The following SYNPR variants were observed in gnomAD, a reference collection of about 807,000 sequenced individuals.
SYNPR encodes the protein synaptoporin.
In SYNPR, 23 loss-of-function variants were observed where a neutral mutation model predicts 32.9. That is an observed-to-expected ratio of 0.70 (90% CI 0.50 to 0.99). SYNPR has a LOEUF of 0.99. SYNPR is among the 50% of genes least tolerant of loss of function. The pLI, the probability that SYNPR is intolerant of heterozygous loss-of-function variation, is 0.00. For synonymous variants in SYNPR, 146 were observed against 135.9 expected, an observed-to-expected ratio of 1.07 and a Z score of -0.52; for missense variants, 318 against 349.3, an observed-to-expected ratio of 0.91 and a Z score of 0.71.
At chr3:63,545,750 C>A (rs1224170377) in intron 3 of SYNPR, among the ~76,000 whole-genome samples, 1 of 152,014 alleles carries the variant, frequency 6.6e-6, no homozygotes, top group Non-Finnish European at 1.5e-5. Flanking sequence ...AGAACCTTAC[C>A]TTTTCCTCCT....
chr3:63,440,874 C>T (rs949010452), intron 2 of SYNPR, among the ~76,000 whole-genome samples: 4 of 152,064 alleles, frequency 2.6e-5, no homozygotes, highest in African/African-American at 9.7e-5. Flanking sequence ...AGGGCCTGAG[C>T]GTGGATTTCA....
At position 63,542,139 on chromosome 3, in the gene SYNPR, C is replaced by G. The variant is rs75074692; in HGVS notation, c.210-14404C>G. Among the ~76,000 whole-genome samples the G allele has an allele frequency of 2.3e-3, 350 of 152,226 alleles. 1 individual carries two copies. Among genetic ancestry groups the G allele is most frequent in the African/African-American group, 8.0e-3 (334 of 41,560 alleles). ...GTCACTGTGCTGGGCGCTAGAGACA[C>G]AGTAAGAAACTAGAATCTCGTTCTC... On this transcript the variant is annotated intron_variant, in intron 3 of 5. Transcript: ENST00000478300.
chr3:63,614,858 G>A (rs1158748856), intron 5 of SYNPR, among the ~76,000 whole-genome samples: 1 of 152,114 alleles, frequency 6.6e-6, no homozygotes. Flanking sequence ...CCTTAAGTAA[G>A]GTTTCCAGTT....
chr3:63,408,029 G>A (rs2088384803), intron 2 of SYNPR, among the ~76,000 whole-genome samples: 1 of 151,514 alleles, frequency 6.6e-6, no homozygotes, highest in South Asian at 2.1e-4. Flanking sequence ...TTAATATGGT[G>A]ACATGCAGTG....
At chr3:63,533,342 G>A (rs1263024207) in intron 3 of SYNPR, among the ~76,000 whole-genome samples, 1 of 152,154 alleles carries the variant, frequency 6.6e-6, no homozygotes, top group East Asian at 1.9e-4. Context: ...AGAGATTCTG[G>A]AATTTAGAAG....
At chr3:63,537,367 C>T (rs905787660) in intron 3 of SYNPR, among the ~76,000 whole-genome samples, 11 of 145,130 alleles carry the variant, frequency 7.6e-5, no homozygotes, top group Non-Finnish European at 9.1e-5. Context: ...GATTTTATCT[C>T]TACTAGAAAA....
At chr3:63,231,414 G>T (rs2086165911) in intron 1 of SYNPR, among the ~76,000 whole-genome samples, 1 of 151,976 alleles carries the variant, frequency 6.6e-6, no homozygotes, top group South Asian at 2.1e-4. Flanking sequence ...CAAAATCTCA[G>T]AATTCACCAC....
chr3:63,283,237 G>A (rs1311672995), intron 2 of SYNPR, among the ~76,000 whole-genome samples: 1 of 152,118 alleles, frequency 6.6e-6, no homozygotes, highest in African/African-American at 2.4e-5. Context: ...TATAGCCTGG[G>A]GAAAAAATCC....
chr3:63,552,022 C>T (rs1194155625), intron 3 of SYNPR, among the ~76,000 whole-genome samples: 3 of 151,954 alleles, frequency 2.0e-5, no homozygotes, highest in Admixed American at 6.6e-5. Context: ...CTCAGCCTCC[C>T]GAGTAGCTGG....
rs149489933 is a variant in SYNPR, at chr3:63,299,261, G to A, written c.84+20519G>A. Among the ~76,000 whole-genome samples, 5 of 152,136 alleles carry A rather than the reference G, an allele frequency of 3.3e-5. No homozygotes were observed. In the East Asian group the frequency reaches 9.7e-4, roughly 30 times the overall value. Reference sequence around the variant, plus strand: ...GAGAGGGAGAGAAGATCTGGAAGCTGGAAAACTAGAGAAGAGTTTTTTTTA... The same window carrying A: ...GAGAGGGAGAGAAGATCTGGAAGCTAGAAAACTAGAGAAGAGTTTTTTTTA... On this transcript the variant is annotated intron_variant, in intron 2 of 5. Coordinates refer to ENST00000478300, the MANE Select transcript of SYNPR (RefSeq NM_001130003.2).
intron 2 of SYNPR, among the ~76,000 whole-genome samples, chr3:63,315,419 G>A (rs1336618172): frequency 6.6e-6 from 1 of 152,032 alleles, no homozygotes; most frequent in Non-Finnish European, 1.5e-5. Context: ...TTTCAGCAGT[G>A]TTTTGTGGTT....
At chr3:63,221,615 A>G in the SYNPR span, among the ~76,000 whole-genome samples, 2 of 152,132 alleles carry the variant, frequency 1.3e-5, no homozygotes, top group African/African-American at 4.8e-5. Flanking sequence ...CAGCCAGGAA[A>G]TATGCAGACC....
At chr3:63,286,811 T>C (rs1452612435) in intron 2 of SYNPR, among the ~76,000 whole-genome samples, 4 of 152,202 alleles carry the variant, frequency 2.6e-5, no homozygotes, top group African/African-American at 9.7e-5. Flanking sequence ...GCCTATAGTG[T>C]TGAAAATTTT....
intron 2 of SYNPR, among the ~76,000 whole-genome samples, chr3:63,421,369 G>C (rs1699795431): frequency 6.7e-6 from 1 of 149,892 alleles, no homozygotes. Context: ...TTAATTAAAA[G>C]ATAAATATAT....
chr3:63,476,510 C>G (rs868859559), intron 2 of SYNPR, among the ~76,000 whole-genome samples: 2 of 152,256 alleles, frequency 1.3e-5, no homozygotes, highest in African/African-American at 4.8e-5. Flanking sequence ...TCAGGAGAAA[C>G]ATGGAGAACC....
chr3:63,614,585 G>A (rs540123272), intron 5 of SYNPR, among the ~76,000 whole-genome samples: 7 of 152,278 alleles, frequency 4.6e-5, no homozygotes, highest in African/African-American at 1.2e-4. Flanking sequence ...GCAATTATTC[G>A]AACAGTCAAC....
chr3:63,379,811 A>G (rs910645895), intron 2 of SYNPR, among the ~76,000 whole-genome samples: 22 of 152,002 alleles, frequency 1.4e-4, no homozygotes, highest in Admixed American at 7.2e-4. Flanking sequence ...TACATTAGGT[A>G]TATCTCCTAA....
chr3:63,400,203 G>A (rs1379871476), intron 2 of SYNPR, among the ~76,000 whole-genome samples: 1 of 152,240 alleles, frequency 6.6e-6, no homozygotes, highest in Non-Finnish European at 1.5e-5. Context: ...TATCTTCTTA[G>A]TGAGGTACGC....
At position 63,479,446 on chromosome 3, in the gene SYNPR, G is replaced by GCGCGCACACACACACACACA. The variant is rs6147854; in HGVS notation, c.85-1385_85-1384insGCGCACACACACACACACAC. ...AGTCACTTAAAACTGCCACACACAT[G>GCGCGCACACACACACACACA]CACACACACATACACACACACACAC... On this transcript the variant is annotated intron_variant, in intron 2 of 5. Coordinates refer to ENST00000478300, the MANE Select transcript of SYNPR (RefSeq NM_001130003.2). Among the ~76,000 whole-genome samples the GCGCGCACACACACACACACA allele has an allele frequency of 1.4e-3, 194 of 135,852 alleles. 1 individual carries two copies. The highest frequency in any genetic ancestry group is 3.4e-3 in the Middle Eastern group (1 of 290). 89.1% of individuals were successfully genotyped at this position (135,852 alleles called of 152,430 possible).
Sources: allele counts gnomAD v4.1 joint callset (sites outside exome capture counted in the v4.1 genomes callset), GRCh38; gene constraint gnomAD v4.1.1; transcripts MANE v1.5; gene names NCBI Gene and HGNC (gene_info 2026-07-23, HGNC 2026-07-21).